CFAP206: variants seen among roughly 807,000 people sequenced by gnomAD.
CFAP206 encodes the protein cilia and flagella associated protein 206.
CFAP206 carries 53 observed loss-of-function variants against 65.4 expected under a neutral mutation model. The observed-to-expected ratio is 0.81, with a 90% CI of 0.65 to 1.02. The LOEUF (loss-of-function observed/expected upper bound fraction) is 1.02, where lower values mean the gene tolerates loss of function less well. CFAP206 is among the 50% of genes least tolerant of loss of function. The pLI, the probability that CFAP206 is intolerant of heterozygous loss-of-function variation, is 0.00. For missense variants in CFAP206, 663 were observed against 753.2 expected, an observed-to-expected ratio of 0.88 and a Z score of 1.40; for synonymous variants, 250 against 254.4, an observed-to-expected ratio of 0.98 and a Z score of 0.17.
Position 87,408,015 on chromosome 6 carries a change from C to G in CFAP206, c.-80C>G. 5.1e-6 allele frequency: 5 copies of G among 985,650 alleles called. No individual in the cohort carries two copies. The highest frequency in any genetic ancestry group is 6.0e-6 in the Non-Finnish European group (5 of 830,132). The allele number at this position is 985,650 out of a possible 1,614,324, so 61.1% of individuals were successfully genotyped here. A position where few individuals can be genotyped will look rare whatever the true frequency, so the allele number is the denominator to read the frequency against. ...CGCGGCGGTGGCTGCGAGCGCCCAA[C>G]TGCTCCGACCGTCGCGGTGAGGGCC... On this transcript the variant is annotated 5_prime_UTR_variant, in exon 1 of 13. Transcript: ENST00000369562.
At chr6:87,455,868 G>T (rs1768631488) in intron 11 of CFAP206, among the ~76,000 whole-genome samples, 1 of 152,046 alleles carries the variant, frequency 6.6e-6, no homozygotes. Flanking sequence ...CTTAATAAAA[G>T]GTCTCCCAGC....
chr6:87,408,093 A>C lies in CFAP206; in HGVS notation c.-6+4A>C. On this transcript the variant is annotated splice_donor_region_variant and intron_variant, in intron 1 of 12. Coordinates refer to ENST00000369562, the MANE Select transcript of CFAP206 (RefSeq NM_001031743.3). The stretch of plus-strand genomic sequence containing the variant: ...CCTGCTGTCGATTCCGATCCAGGTC[A>C]GCCTACTCGGGGCTCCGCGCCCTTG... 1 of 985,244 alleles carries C rather than the reference A, an allele frequency of 1.0e-6. No individual in the cohort carries two copies. The highest frequency in any genetic ancestry group is 1.2e-6 in the Non-Finnish European group (1 of 829,744). 61.0% of individuals were successfully genotyped at this position (985,244 alleles called of 1,614,324 possible). A position where few individuals can be genotyped will look rare whatever the true frequency, so the allele number is the denominator to read the frequency against.
chr6:87,437,546 T>C (rs2223878), intron 11 of CFAP206, among the ~76,000 whole-genome samples: 41,719 of 152,098 alleles, frequency 0.27, 5,938 homozygotes, highest in Admixed American at 0.38. Context: ...ATCTTTAATT[T>C]TAATGTAGTC....
intron 11 of CFAP206, among the ~76,000 whole-genome samples, chr6:87,458,405 T>G (rs1373387768): frequency 6.6e-6 from 1 of 152,088 alleles, no homozygotes; most frequent in African/African-American, 2.4e-5. Context: ...TAGCCAAGAT[T>G]TGGAAGCAAC....
chr6:87,420,499 A>G (rs1286556435), intron 7 of CFAP206, among the ~76,000 whole-genome samples: 1 of 152,230 alleles, frequency 6.6e-6, no homozygotes, highest in African/African-American at 2.4e-5. Context: ...CATGAATTCT[A>G]ATCATGACTT....
intron 6 of CFAP206, among the ~76,000 whole-genome samples, chr6:87,417,665 T>C (rs1263790136): frequency 6.6e-6 from 1 of 151,894 alleles, no homozygotes; most frequent in East Asian, 1.9e-4. Context: ...GCCTATTCTC[T>C]GAACTCTTCT....
chr6:87,416,995 C>A (rs759792058), intron 6 of CFAP206, among the ~76,000 whole-genome samples, 168 bp downstream of exon 6: 2 of 152,104 alleles, frequency 1.3e-5, no homozygotes, highest in Non-Finnish European at 2.9e-5. Flanking sequence ...GTGATTTTTA[C>A]TTTTGCTGGG....
At position 87,426,513 on chromosome 6, in the gene CFAP206, G is replaced by T; in HGVS notation, c.841-13G>T. ...TTATAAAAATATTAATGCAAATTAT[G>T]TTGTTTTCACAGTCAGATATAATTA... is the stretch of plus-strand genomic sequence containing the variant. On this transcript the variant is annotated splice_polypyrimidine_tract_variant and intron_variant, in intron 7 of 12. Transcript: ENST00000369562. 1.3e-6 allele frequency: 2 copies of T among 1,551,492 alleles called. No homozygotes were observed. Among genetic ancestry groups the T allele is most frequent in the Non-Finnish European group, 1.7e-6 (2 of 1,148,844 alleles).
intron 10 of CFAP206, 125 bp from the exon 11 acceptor site, chr6:87,434,735 T>C (rs921060014): frequency 2.1e-5 from 11 of 523,386 alleles, no homozygotes; most frequent in Non-Finnish European, 2.7e-5. Context: ...TGACCTCAGG[T>C]GGTCTGCCTG....
chr6:87,426,090 C>G (rs1010774946), intron 7 of CFAP206: 1 of 153,326 alleles, frequency 6.5e-6, no homozygotes, highest in African/African-American at 2.4e-5. Flanking sequence ...TGCCAACCTG[C>G]AGTGCCCTGC....
At chr6:87,413,924 T>A in intron 4 of CFAP206, 24 bp downstream of exon 4, 2 of 1,255,532 alleles carry the variant, frequency 1.6e-6, no homozygotes, top group South Asian at 3.5e-5. Flanking sequence ...CCTATTTTTA[T>A]ACTTAAAAAA....
At chr6:87,419,821 G>A (rs981440540) in intron 7 of CFAP206, among the ~76,000 whole-genome samples, 12 of 152,092 alleles carry the variant, frequency 7.9e-5, no homozygotes, top group Admixed American at 6.6e-4. Flanking sequence ...TTGTCTTCAG[G>A]AGGAAGGATC....
intron 11 of CFAP206, among the ~76,000 whole-genome samples, chr6:87,449,436 CAAAAAAAAAA>C (rs34540279): frequency 3.8e-5 from 2 of 53,034 alleles, no homozygotes; most frequent in African/African-American, 6.3e-5. Flanking sequence ...GACTCCATCT[CAAAAAAAAAA>C]AAAAAAAAAA....
At chr6:87,451,249 A>G (rs1768537583) in intron 11 of CFAP206, among the ~76,000 whole-genome samples, 1 of 152,156 alleles carries the variant, frequency 6.6e-6, no homozygotes, top group Non-Finnish European at 1.5e-5. Context: ...CCCCTTTCCC[A>G]ACTCCAGGCA....
At chr6:87,427,161 G>A (rs1562246373) in intron 8 of CFAP206, among the ~76,000 whole-genome samples, 1 of 152,042 alleles carries the variant, frequency 6.6e-6, no homozygotes, top group Non-Finnish European at 1.5e-5. Context: ...ACTTCAAGAC[G>A]GAGTCTCGCT....
chr6:87,428,535 A>T, intron 8 of CFAP206, 91 bp from the exon 9 acceptor site: 2 of 1,257,230 alleles, frequency 1.6e-6, no homozygotes, highest in Non-Finnish European at 2.3e-6. Context: ...TAACTTCTTT[A>T]CAAATGACAA....
intron 11 of CFAP206, among the ~76,000 whole-genome samples, chr6:87,447,059 T>C (rs568637055): frequency 6.6e-6 from 1 of 152,360 alleles, no homozygotes; most frequent in South Asian, 2.1e-4. Flanking sequence ...CCTGAGACTT[T>C]GCTGAAGTTG....
intron 11 of CFAP206, among the ~76,000 whole-genome samples, chr6:87,437,859 G>A (rs71572760): frequency 0.061 from 5,940 of 96,796 alleles, 171 homozygotes; most frequent in Middle Eastern, 0.14. Flanking sequence ...TTTAGTTTTA[G>A]TTTTTCTAGA....
intron 11 of CFAP206, among the ~76,000 whole-genome samples, chr6:87,440,699 G>T (rs1331688418): frequency 6.6e-6 from 1 of 152,138 alleles, no homozygotes; most frequent in Admixed American, 6.6e-5. Context: ...CATAAGTAGA[G>T]AATATCTAGA....
Sources: gnomAD v4.1 joint callset for allele counts (sites outside exome capture counted in the v4.1 genomes callset) on GRCh38, gnomAD v4.1.1 for gene constraint, MANE v1.5 for transcripts, NCBI Gene and HGNC (gene_info 2026-07-23, HGNC 2026-07-21) for gene names.